Variants in TNPO2 observed in about 807,000 individuals in gnomAD.
The protein encoded by TNPO2 is transportin-2.
Under a neutral mutation model 111.1 loss-of-function variants are expected in TNPO2, and 16 were observed. The ratio of observed to expected loss-of-function variants is 0.14; its 90% CI spans 0.10 to 0.22. TNPO2 has a LOEUF of 0.22. Among genes scored for constraint, TNPO2 ranks in the 10% least tolerant of loss-of-function variants. TNPO2 has a pLI of 1.00. For synonymous variants in TNPO2, 481 were observed against 475.8 expected, an observed-to-expected ratio of 1.01 and a Z score of -0.14; for missense variants, 530 against 1,173.7, an observed-to-expected ratio of 0.45 and a Z score of 8.01.
At position 12,710,849 on chromosome 19, in the gene TNPO2, C is replaced by A. The variant is rs546396103; in HGVS notation, c.1118-76G>T. 484 of 1,358,834 alleles carry A rather than the reference C, an allele frequency of 3.6e-4. 13 individuals carry two copies. The South Asian group carries it at 6.3e-3, about 18-fold the overall frequency. The allele number at this position is 1,358,834 out of a possible 1,614,324, so 84.2% of individuals were successfully genotyped here. ...GGCCGACCCTCCTTGACTGCACTCC[C>A]AGGATCAGAGATCATGCTCAGAATC... is the stretch of plus-strand genomic sequence containing the variant. On this transcript the variant is annotated intron_variant, in intron 12 of 25. Transcript: ENST00000425528.
At position 12,699,464 on chromosome 19, in the gene TNPO2, TA is replaced by T. The variant is rs141687742; in HGVS notation, c.*1799del. 0.023 allele frequency: 2,717 copies of T among 118,900 alleles called. 29 individuals carry two copies. Among genetic ancestry groups the T allele is most frequent in the Admixed American group, 0.041 (515 of 12,510 alleles). 7.4% of individuals were successfully genotyped at this position (118,900 alleles called of 1,614,324 possible). A position where few individuals can be genotyped will look rare whatever the true frequency, so the allele number is the denominator to read the frequency against. ...ATTAAAAAATTAAATAGTTTTTTTT[TA>T]AAAAAAAAAAAAAAAAGGAAAACGA... On this transcript the variant is annotated 3_prime_UTR_variant, in exon 26 of 26. Coordinates refer to ENST00000425528, the MANE Select transcript of TNPO2 (RefSeq NM_001382241.1).
At position 12,703,715 on chromosome 19, in the gene TNPO2, G is replaced by A. The variant is rs201347870; in HGVS notation, c.2109C>T (p.Ile703=). Residue 703 remains isoleucine (I), a splice_region_variant and synonymous_variant, in exon 19 of 26, where the codon ATC becomes ATT. Coordinates refer to ENST00000425528, the MANE Select transcript of TNPO2 (RefSeq NM_001382241.1). ...KACFIHVKPC[I]AEFMPILGTN... The stretch of plus-strand genomic sequence containing the variant: ...TTAGGGACAAGGCGAGTGTCGTACC[G>A]ATACAGGGCTTGACATGGATGAAGC... 2.4e-5 allele frequency: 38 copies of A among 1,607,646 alleles called. No homozygotes were observed. In the Admixed American group the frequency reaches 3.2e-4, roughly 14 times the overall value.
chr19:12,702,786 G>A lies in TNPO2; in HGVS notation c.2305+37C>T, dbSNP rs762171801. The A allele has an allele frequency of 1.3e-6, 2 of 1,585,648 alleles. No homozygotes were observed. Among genetic ancestry groups the A allele is most frequent in the African/African-American group, 2.7e-5 (2 of 74,222 alleles). On this transcript the variant is annotated intron_variant, in intron 21 of 25. Coordinates refer to ENST00000425528, the MANE Select transcript of TNPO2 (RefSeq NM_001382241.1). The surrounding 1 kb of genome is among the most constrained non-coding windows in gnomAD (Gnocchi z 5.5). Reference sequence around the variant, plus strand: ...CCCAGAACCCCACCTCCAGAAGGCAGGCAGGGGTGCAGGCAGCAGCCGGGC... The same window carrying A: ...CCCAGAACCCCACCTCCAGAAGGCAAGCAGGGGTGCAGGCAGCAGCCGGGC...
Position 12,715,850 on chromosome 19 carries a change from G to A in TNPO2, c.326-111C>T, listed in dbSNP as rs764265589. 18 of 780,138 alleles carry A rather than the reference G, an allele frequency of 2.3e-5. No individual in the cohort carries two copies. Among genetic ancestry groups the A allele is most frequent in the Middle Eastern group, 5.9e-4 (2 of 3,410 alleles). 48.3% of individuals were successfully genotyped at this position (780,138 alleles called of 1,614,324 possible). ...CCTTTCTGTTCCCTAGCCCATGTAC[G>A]CCCTCTACATCCCCCCTCCTTTTTT... On this transcript the variant is annotated intron_variant, in intron 5 of 25. Transcript: ENST00000425528. This position sits in a 1 kb window ranked among gnomAD's most constrained non-coding sequence, Gnocchi z 7.1.
Position 12,701,484 on chromosome 19 carries a change from A to C in TNPO2, c.2587-31T>G, listed in dbSNP as rs906403983. 20 of 1,606,270 alleles carry C rather than the reference A, an allele frequency of 1.2e-5. No homozygotes were observed. Among genetic ancestry groups the C allele is most frequent in the Non-Finnish European group, 1.5e-5 (18 of 1,173,208 alleles). On this transcript the variant is annotated intron_variant, in intron 24 of 25. Coordinates refer to ENST00000425528, the MANE Select transcript of TNPO2 (RefSeq NM_001382241.1). The surrounding 1 kb of genome is among the most constrained non-coding windows in gnomAD (Gnocchi z 5.0). ...GGGAGGGTGGTGGTGAGGGGTAGGC[A>C]GGGGCAGAACAAGGGGAGTGCGCCT...
rs1300983121 is a variant in TNPO2, at chr19:12,711,405, G to A, written c.1008C>T (p.Arg336=). The change falls in exon 12 of 26, where the codon CGC becomes CGT. Residue 336 remains arginine, a synonymous_variant. Transcript: ENST00000425528. ...GTGTGACCGTGCGTGACTTGTGGAA[G>A]CGTGGCTTGATGTCCTGCTCACTGT... ...VPDSEQDIKP[R]FHKSRTVTLP... is the part of the protein sequence containing the mutation. The A allele has an allele frequency of 6.2e-7, 1 of 1,613,920 alleles. No homozygotes were observed. The highest frequency in any genetic ancestry group is 1.3e-5 in the African/African-American group (1 of 74,928).
In TNPO2 at chr19:12,714,951, G is replaced by A. The variant is rs376648307; in HGVS notation, c.772-12C>T. The A allele has an allele frequency of 1.9e-6, 3 of 1,605,262 alleles. No homozygotes were observed. The highest frequency in any genetic ancestry group is 1.3e-5 in the African/African-American group (1 of 74,448). On this transcript the variant is annotated splice_polypyrimidine_tract_variant and intron_variant, in intron 9 of 25. Coordinates refer to ENST00000425528, the MANE Select transcript of TNPO2 (RefSeq NM_001382241.1). ...CTCTGCAGCATGTACTGTGGTAGGG[G>A]GGAGAAGCTGAGGCCTGGCCTGGCT... is the stretch of plus-strand genomic sequence containing the variant.
At chr19:12,722,075 G>C (rs1330950485) in intron 2 of TNPO2, 1 of 74,802 alleles carries the variant, frequency 1.3e-5, no homozygotes, top group African/African-American at 5.8e-5. Context: ...CAACTTTTCA[G>C]TGCGGCCTCC....
At position 12,706,099 on chromosome 19, in the gene TNPO2, CG is replaced by C; in HGVS notation, c.1668+96del. Reference sequence around the variant, plus strand: ...TCTGTCTGTCTGCCTGTCGAGGTCACGGCCACGTCCCTGGCGTGCAACACGG... The same window carrying C: ...TCTGTCTGTCTGCCTGTCGAGGTCACGCCACGTCCCTGGCGTGCAACACGG... On this transcript the variant is annotated intron_variant, in intron 15 of 25. Transcript: ENST00000425528. This position sits in a 1 kb window ranked among gnomAD's most constrained non-coding sequence, Gnocchi z 7.0. The C allele has an allele frequency of 1.8e-5, 26 of 1,412,044 alleles. No homozygotes were observed. Among genetic ancestry groups the C allele is most frequent in the Non-Finnish European group, 2.4e-5 (25 of 1,045,494 alleles). The allele number at this position is 1,412,044 out of a possible 1,614,324, so 87.5% of individuals were successfully genotyped here. A position where few individuals can be genotyped will look rare whatever the true frequency, so the allele number is the denominator to read the frequency against.
In TNPO2 at chr19:12,711,127, C is replaced by G. The variant is rs559641702; in HGVS notation, c.1117+169G>C. The G allele has an allele frequency of 3.3e-4, 256 of 778,828 alleles. 4 individuals carry two copies. The South Asian group carries it at 4.7e-3, about 14-fold the overall frequency. The allele number at this position is 778,828 out of a possible 1,614,324, so 48.2% of individuals were successfully genotyped here. ...GCCAGGATGGTGTTGATCTCCTGAC[C>G]TCGTGATCCGCCCGCCTCAGCCTTC... On this transcript the variant is annotated intron_variant, in intron 12 of 25. Transcript: ENST00000425528.
At chr19:12,703,844 T>A in intron 18 of TNPO2, 43 bp from the exon 19 acceptor site, 1 of 1,520,032 alleles carries the variant, frequency 6.6e-7, no homozygotes, top group Non-Finnish European at 8.9e-7. Flanking sequence ...CTCCCCTCCT[T>A]CTAACCAGGA....
chr19:12,701,740 A>G lies in TNPO2; in HGVS notation c.2511+12T>C, dbSNP rs1444665862. 3 of 1,613,506 alleles carry G rather than the reference A, an allele frequency of 1.9e-6. No homozygotes were observed. Among genetic ancestry groups the G allele is most frequent in the African/African-American group, 1.3e-5 (1 of 74,914 alleles). ...GCGCCCGCGCCTGCCCTCAGAGCCC[A>G]GCTGCCCCAACCTGCACAACGCCCC... On this transcript the variant is annotated intron_variant, in intron 23 of 25. Coordinates refer to ENST00000425528, the MANE Select transcript of TNPO2 (RefSeq NM_001382241.1). This position sits in a 1 kb window ranked among gnomAD's most constrained non-coding sequence, Gnocchi z 5.0.
rs1352051516 is a variant in TNPO2 at position 12,706,637 on chromosome 19, G to A, written c.1429C>T (p.Pro477Ser). 1.2e-6 allele frequency: 2 copies of A among 1,614,030 alleles called. No homozygotes were observed. The highest frequency in any genetic ancestry group is 2.2e-5 in the South Asian group (2 of 91,090). Residue 477 changes from proline (P) to serine (S), a missense_variant, in exon 14 of 26, where the codon CCC becomes TCC. By Grantham distance (74) the Pro-to-Ser change is moderately conservative. Around this residue, in one of 4 missense-constraint regions of TNPO2, gnomAD observed 183 missense variants for 481.0 expected, o/e 0.38. Transcript: ENST00000425528. This position sits in a 1 kb window ranked among gnomAD's most constrained non-coding sequence, Gnocchi z 7.0. ...VSQPPDMHLK[P>S]LMTELLKRIL... ...CGTTTGAGCAGCTCTGTCATCAGGG[G>A]CTTGAGGTGCATGTCGGGTGGCTGG... is the stretch of plus-strand genomic sequence containing the variant.
Position 12,705,157 on chromosome 19 carries a change from G to T in TNPO2, c.2022+83C>A. ...CAGCACCTTTTCCCTGATTTCCTTT[G>T]GGCACAACCAGGCCCTGACTCCCCA... On this transcript the variant is annotated intron_variant, in intron 18 of 25. Coordinates refer to ENST00000425528, the MANE Select transcript of TNPO2 (RefSeq NM_001382241.1). The surrounding 1 kb of genome is among the most constrained non-coding windows in gnomAD (Gnocchi z 7.2). 1 of 1,374,776 alleles carries T rather than the reference G, an allele frequency of 7.3e-7. No homozygotes were observed. Among genetic ancestry groups the T allele is most frequent in the Non-Finnish European group, 1.0e-6 (1 of 998,260 alleles). The allele number at this position is 1,374,776 out of a possible 1,614,324, so 85.2% of individuals were successfully genotyped here. A position where few individuals can be genotyped will look rare whatever the true frequency, so the allele number is the denominator to read the frequency against.
chr19:12,703,392 A>C (rs753447670), intron 20 of TNPO2, 36 bp downstream of exon 20: 1 of 1,584,934 alleles, frequency 6.3e-7, no homozygotes, highest in African/African-American at 1.3e-5. Context: ...GAACAGGCTA[A>C]TGGGGGGCGC....
rs759513191 is a variant in TNPO2 at position 12,719,895 on chromosome 19, C to T, written c.100-559G>A. Among the ~76,000 whole-genome samples, 9 of 151,598 alleles carry T rather than the reference C, an allele frequency of 5.9e-5. No homozygotes were observed. The highest frequency in any genetic ancestry group is 3.9e-4 in the Admixed American group (6 of 15,216). On this transcript the variant is annotated intron_variant, in intron 3 of 25. Coordinates refer to ENST00000425528, the MANE Select transcript of TNPO2 (RefSeq NM_001382241.1). The surrounding 1 kb of genome is among the most constrained non-coding windows in gnomAD (Gnocchi z 5.0). ...CCAGAGCAGGAGAGGGAAGGAGAAT[C>T]CCACTCCTCTTAAAGTGGCAGCTAC...
intron 13 of TNPO2, 148 bp downstream of exon 13, chr19:12,710,473 G>A: frequency 4.2e-6 from 4 of 961,116 alleles, no homozygotes; most frequent in Non-Finnish European, 6.0e-6. Flanking sequence ...TTCAGGCCCA[G>A]GAACCAAGGG....
At position 12,702,504 on chromosome 19, in the gene TNPO2, T is replaced by A. The variant is rs1323658316; in HGVS notation, c.2305+319A>T. 1.9e-6 allele frequency: 1 copy of A among 536,274 alleles called. No individual in the cohort carries two copies. The highest frequency in any genetic ancestry group is 1.9e-5 in the South Asian group (1 of 52,260). The allele number at this position is 536,274 out of a possible 1,614,324, so 33.2% of individuals were successfully genotyped here. ...GCCTCAGCCTCCCGAGTAGCTGGGA[T>A]TGCAGGCACGTGCCATTACCCCCGG... On this transcript the variant is annotated intron_variant, in intron 21 of 25. Coordinates refer to ENST00000425528, the MANE Select transcript of TNPO2 (RefSeq NM_001382241.1). This position sits in a 1 kb window ranked among gnomAD's most constrained non-coding sequence, Gnocchi z 5.5.
rs1253671428 is a variant in TNPO2 at position 12,705,046 on chromosome 19, C to G, written c.2022+194G>C. On this transcript the variant is annotated intron_variant, in intron 18 of 25. Transcript: ENST00000425528. This position sits in a 1 kb window ranked among gnomAD's most constrained non-coding sequence, Gnocchi z 7.2. ...TTTTTTAATTTTAGAACTGGGGTTTCACTATGTTGCCCAGGCTGGTCTCAA... is the reference window on the plus strand; with the variant it reads ...TTTTTTAATTTTAGAACTGGGGTTTGACTATGTTGCCCAGGCTGGTCTCAA... 6.6e-6 allele frequency among the ~76,000 whole-genome samples: 1 copy of G among 152,016 alleles called. No homozygotes were observed. Among genetic ancestry groups the G allele is most frequent in the African/African-American group, 2.4e-5 (1 of 41,362 alleles).
Sources: gnomAD v4.1 joint callset for allele counts (sites outside exome capture counted in the v4.1 genomes callset) on GRCh38, gnomAD v4.1.1 for gene constraint, gnomAD v4.1.1 regional missense constraint, Gnocchi (gnomAD v3.1) non-coding constraint, MANE v1.5 for transcripts, NCBI Gene and HGNC (gene_info 2026-07-23, HGNC 2026-07-21) for gene names.